The following KCNT2 variants were observed in gnomAD, a reference collection of about 807,000 sequenced individuals.
KCNT2 encodes the protein potassium sodium-activated channel subfamily T member 2.
A neutral mutation model predicts 153.8 loss-of-function variants in KCNT2; 67 were observed. That is an observed-to-expected ratio of 0.44 (90% CI 0.36 to 0.53). KCNT2 has a LOEUF of 0.53. KCNT2 is among the 20% of genes least tolerant of loss of function. KCNT2 has a pLI of 0.00. For missense variants in KCNT2, 975 were observed against 1,354.8 expected, an observed-to-expected ratio of 0.72 and a Z score of 4.40; for synonymous variants, 500 against 458.8, an observed-to-expected ratio of 1.09 and a Z score of -1.15.
chr1:196,434,009 A>T (rs1674393773), intron 8 of KCNT2, among the ~76,000 whole-genome samples: 1 of 152,002 alleles, frequency 6.6e-6, no homozygotes, highest in Non-Finnish European at 1.5e-5. Context: ...TGGCCCAGCA[A>T]AATCGCCCTC....
intron 1 of KCNT2, among the ~76,000 whole-genome samples, chr1:196,589,688 T>G (rs1663110129): frequency 6.6e-6 from 1 of 152,196 alleles, no homozygotes; most frequent in African/African-American, 2.4e-5. Flanking sequence ...ATGTGACTAC[T>G]GTTCCACATT....
intron 14 of KCNT2, among the ~76,000 whole-genome samples, chr1:196,362,605 C>A (rs1014447794): frequency 6.6e-6 from 1 of 152,056 alleles, no homozygotes; most frequent in African/African-American, 2.4e-5. Context: ...CAAATACATA[C>A]TTTCATAAAG....
At chr1:196,486,590 G>T (rs1178057633) in intron 3 of KCNT2, among the ~76,000 whole-genome samples, 1 of 151,890 alleles carries the variant, frequency 6.6e-6, no homozygotes, top group Non-Finnish European at 1.5e-5. Flanking sequence ...GAGTCAGGAG[G>T]TGAATACATT....
intron 5 of KCNT2, among the ~76,000 whole-genome samples, chr1:196,477,005 A>G (rs1678594205): frequency 6.6e-6 from 1 of 152,164 alleles, no homozygotes; most frequent in Non-Finnish European, 1.5e-5. Flanking sequence ...GTGCTTTTAT[A>G]TGATACTTTT....
intron 12 of KCNT2, among the ~76,000 whole-genome samples, chr1:196,407,365 A>C (rs766406833): frequency 1.5e-4 from 23 of 151,552 alleles, no homozygotes; most frequent in Admixed American, 1.3e-4. Flanking sequence ...TTTACCAAAA[A>C]TTATTTCTGA....
chr1:196,380,775 G>C (rs1669411716), intron 13 of KCNT2, among the ~76,000 whole-genome samples: 2 of 152,172 alleles, frequency 1.3e-5, no homozygotes, highest in African/African-American at 2.4e-5. Flanking sequence ...TTGCAAGCAA[G>C]AGTGGGTTTA....
intron 26 of KCNT2, among the ~76,000 whole-genome samples, chr1:196,255,589 G>A (rs1172167591): frequency 1.3e-5 from 2 of 151,726 alleles, no homozygotes; most frequent in East Asian, 3.9e-4. Context: ...TCCACAGTAG[G>A]GTTTGAAGGA....
intron 1 of KCNT2, among the ~76,000 whole-genome samples, chr1:196,598,775 A>T (rs926437315): frequency 6.6e-6 from 1 of 152,238 alleles, no homozygotes; most frequent in Non-Finnish European, 1.5e-5. Flanking sequence ...AATGGGAAAA[A>T]TAACAGAATT....
At chr1:196,311,878 C>T (rs188448631) in intron 21 of KCNT2, among the ~76,000 whole-genome samples, 1 of 151,846 alleles carries the variant, frequency 6.6e-6, no homozygotes, top group Admixed American at 6.6e-5. Context: ...TTTGGTAGAT[C>T]AATTTGACAT....
At chr1:196,386,805 C>T (rs1481357767) in intron 13 of KCNT2, among the ~76,000 whole-genome samples, 1 of 152,040 alleles carries the variant, frequency 6.6e-6, no homozygotes, top group Non-Finnish European at 1.5e-5. Flanking sequence ...ATTGATTATA[C>T]AGCATAGCTT....
rs139452966 is a variant in KCNT2, at chr1:196,298,728, G to A, written c.2595+6506C>T. 6.0e-3 allele frequency among the ~76,000 whole-genome samples: 899 copies of A among 150,442 alleles called. 7 individuals carry two copies. Among genetic ancestry groups the A allele is most frequent in the Middle Eastern group, 0.017 (5 of 294 alleles). ...GCTAAAAGTGTCAACCTTTTAATCA[G>A]AGCTTCCTTTTTCTGCTGCCCACAC... On this transcript the variant is annotated intron_variant, in intron 22 of 27. Coordinates refer to ENST00000294725, the MANE Select transcript of KCNT2 (RefSeq NM_198503.5).
intron 1 of KCNT2, among the ~76,000 whole-genome samples, chr1:196,579,904 C>T (rs1054228410): frequency 3.9e-5 from 6 of 152,134 alleles, no homozygotes; most frequent in Non-Finnish European, 8.8e-5. Context: ...AAGCAAGTCT[C>T]ATTCGAATGT....
At chr1:196,462,456 T>C (rs1677231758) in intron 8 of KCNT2, among the ~76,000 whole-genome samples, 1 of 151,746 alleles carries the variant, frequency 6.6e-6, no homozygotes, top group South Asian at 2.1e-4. Flanking sequence ...TTCTTATATT[T>C]TCTGTTAATA....
At chr1:196,481,382 A>G (rs974515260) in intron 4 of KCNT2, among the ~76,000 whole-genome samples, 1 of 152,182 alleles carries the variant, frequency 6.6e-6, no homozygotes, top group Non-Finnish European at 1.5e-5. Context: ...TGAGTGATGG[A>G]TATAGTGAAA....
chr1:196,354,130 C>T (rs1202648509), intron 14 of KCNT2, among the ~76,000 whole-genome samples: 4 of 151,528 alleles, frequency 2.6e-5, no homozygotes. Context: ...TTCATATTTT[C>T]TTTATGTATA....
chr1:196,439,204 AG>A (rs1178165769), intron 8 of KCNT2, among the ~76,000 whole-genome samples: 1 of 151,964 alleles, frequency 6.6e-6, no homozygotes, highest in African/African-American at 2.4e-5. Flanking sequence ...TCTGTTTTAA[AG>A]AACACTGCCG....
At chr1:196,388,388 C>G (rs909486029) in intron 13 of KCNT2, among the ~76,000 whole-genome samples, 3 of 151,552 alleles carry the variant, frequency 2.0e-5, no homozygotes, top group Non-Finnish European at 3.0e-5. Context: ...TGACTATTAT[C>G]TTTACATTTT....
rs182122228 is a variant in KCNT2, at chr1:196,366,102, C to T, written c.1403+7038G>A. On this transcript the variant is annotated intron_variant, in intron 14 of 27. Coordinates refer to ENST00000294725, the MANE Select transcript of KCNT2 (RefSeq NM_198503.5). ...TCAGATCTCAACTTTTACTACCTTT[C>T]TCTTCCTTCACTCTGCTCTATTTAT... Among the ~76,000 whole-genome samples the T allele has an allele frequency of 4.6e-5, 7 of 151,976 alleles. 1 individual carries two copies. The highest frequency in any genetic ancestry group is 4.2e-4 in the South Asian group (2 of 4,812).
intron 14 of KCNT2, among the ~76,000 whole-genome samples, chr1:196,359,520 C>T (rs139750778): frequency 2.6e-5 from 4 of 151,854 alleles, no homozygotes; most frequent in South Asian, 2.1e-4. Flanking sequence ...CATCTTATTT[C>T]ATTTATTTAA....
Sources: gnomAD v4.1 joint callset for allele counts (sites outside exome capture counted in the v4.1 genomes callset) on GRCh38, gnomAD v4.1.1 for gene constraint, MANE v1.5 for transcripts, NCBI Gene and HGNC (gene_info 2026-07-23, HGNC 2026-07-21) for gene names.